Variants in NXPH2 observed in about 807,000 individuals in gnomAD.
NXPH2 encodes the protein neurexophilin-2.
In NXPH2, 5 loss-of-function variants were observed where a neutral mutation model predicts 19.8. The ratio of observed to expected loss-of-function variants is 0.25; its 90% CI spans 0.13 to 0.53. NXPH2 has a LOEUF of 0.53. Ranked by LOEUF, NXPH2 falls within the 20% of genes least tolerant of loss-of-function variation. The pLI is 0.96. For synonymous variants in NXPH2, 154 were observed against 127.4 expected, an observed-to-expected ratio of 1.21 and a Z score of -1.41; for missense variants, 289 against 322.8, an observed-to-expected ratio of 0.90 and a Z score of 0.80.
intron 1 of NXPH2, among the ~76,000 whole-genome samples, chr2:138,777,690 C>T (rs1682286936): frequency 6.6e-6 from 1 of 151,486 alleles, no homozygotes; most frequent in African/African-American, 2.4e-5. Context: ...ACTAAATGTT[C>T]AATATGCCCA....
At chr2:138,695,845 T>C (rs890883914) in intron 1 of NXPH2, among the ~76,000 whole-genome samples, 2 of 152,068 alleles carry the variant, frequency 1.3e-5, no homozygotes, top group African/African-American at 4.8e-5. Context: ...AGCAGATAAG[T>C]ATCCATTTAA....
intron 1 of NXPH2, among the ~76,000 whole-genome samples, chr2:138,702,156 TC>T (rs1403986934): frequency 6.6e-6 from 1 of 152,060 alleles, no homozygotes; most frequent in African/African-American, 2.4e-5. Flanking sequence ...TCTCTCTGTC[TC>T]CCAGGCTGGA....
At chr2:138,732,184 T>C (rs1312137714) in intron 1 of NXPH2, among the ~76,000 whole-genome samples, 2 of 152,198 alleles carry the variant, frequency 1.3e-5, no homozygotes, top group Non-Finnish European at 2.9e-5. Context: ...AGTTTGGTGA[T>C]CTCATACACA....
chr2:138,724,136 A>T (rs1445958044), intron 1 of NXPH2, among the ~76,000 whole-genome samples: 2 of 151,742 alleles, frequency 1.3e-5, no homozygotes, highest in African/African-American at 4.8e-5. Context: ...GTTCCCCTCT[A>T]TGTGTCCATG....
rs111982503 is a variant in NXPH2, at chr2:138,698,957, G to C, written c.52-27292C>G. 3.5e-3 allele frequency among the ~76,000 whole-genome samples: 537 copies of C among 152,258 alleles called. 3 individuals carry two copies. The highest frequency in any genetic ancestry group is 8.8e-3 in the African/African-American group (365 of 41,544). On this transcript the variant is annotated intron_variant, in intron 1 of 1. Transcript: ENST00000272641. ...GACTCAAAGTACTTTGATGCCCGGA[G>C]AGTAAATAATTAGGCATTTAACAAA... is the stretch of plus-strand genomic sequence containing the variant.
intron 1 of NXPH2, among the ~76,000 whole-genome samples, chr2:138,770,217 A>G (rs537058157): frequency 1.3e-5 from 2 of 152,288 alleles, no homozygotes; most frequent in East Asian, 3.9e-4. Flanking sequence ...TCCAGAAGTG[A>G]GGGGGAAAAC....
intron 1 of NXPH2, among the ~76,000 whole-genome samples, chr2:138,777,660 A>C (rs939294097): frequency 6.6e-6 from 1 of 151,854 alleles, no homozygotes; most frequent in African/African-American, 2.4e-5. Flanking sequence ...TTTCAGAAAC[A>C]AACAGGTAAT....
At chr2:138,721,479 A>G (rs1000014753) in intron 1 of NXPH2, among the ~76,000 whole-genome samples, 1 of 152,002 alleles carries the variant, frequency 6.6e-6, no homozygotes, top group Non-Finnish European at 1.5e-5. Context: ...TTTTTTTTTA[A>G]TGGAGCAAAA....
rs560766775 is a variant in NXPH2, at chr2:138,716,580, T to C, written c.52-44915A>G. Among the ~76,000 whole-genome samples the C allele has an allele frequency of 3.9e-5, 6 of 152,256 alleles. No homozygotes were observed. The South Asian group carries it at 1.0e-3, about 26-fold the overall frequency. ...ACATCTGTTGTTTAAGCCCGTCAGT[T>C]TGTGGTATTGTTGTTACAGCAGCCT... On this transcript the variant is annotated intron_variant, in intron 1 of 1. Transcript: ENST00000272641.
chr2:138,689,312 AT>A (rs1680709735), intron 1 of NXPH2, among the ~76,000 whole-genome samples: 1 of 152,142 alleles, frequency 6.6e-6, no homozygotes, highest in Admixed American at 6.5e-5. Flanking sequence ...CTCAAATATA[AT>A]CTCAGACTCC....
At chr2:138,777,250 AT>A (rs1332932048) in intron 1 of NXPH2, among the ~76,000 whole-genome samples, 2 of 152,022 alleles carry the variant, frequency 1.3e-5, no homozygotes, top group Non-Finnish European at 2.9e-5. Context: ...TCAAATGCTA[AT>A]TTTTTTCTTC....
intron 1 of NXPH2, among the ~76,000 whole-genome samples, chr2:138,718,610 G>T (rs561547599): frequency 3.3e-4 from 50 of 152,256 alleles, no homozygotes; most frequent in Admixed American, 3.3e-3. Context: ...AGCTGAATAT[G>T]ACTTGAAAAG....
intron 1 of NXPH2, among the ~76,000 whole-genome samples, chr2:138,760,098 GA>G (rs1681986963): frequency 6.6e-6 from 1 of 152,006 alleles, no homozygotes; most frequent in Non-Finnish European, 1.5e-5. Context: ...CCTACTTCTA[GA>G]AATTTTATTT....
At chr2:138,713,912 G>A (rs1368084118) in intron 1 of NXPH2, among the ~76,000 whole-genome samples, 1 of 151,318 alleles carries the variant, frequency 6.6e-6, no homozygotes, top group African/African-American at 2.4e-5. Context: ...AGTTCCTATT[G>A]GCACATTCCT....
chr2:138,697,949 C>A (rs753749985), intron 1 of NXPH2, among the ~76,000 whole-genome samples: 22 of 152,070 alleles, frequency 1.4e-4, no homozygotes, highest in Non-Finnish European at 2.6e-4. Flanking sequence ...AAGCCTATTT[C>A]ACTTTGTTAT....
chr2:138,739,208 A>G (rs1050998005), intron 1 of NXPH2, among the ~76,000 whole-genome samples: 3 of 152,226 alleles, frequency 2.0e-5, no homozygotes, highest in Non-Finnish European at 4.4e-5. Flanking sequence ...TGTGCTTTTC[A>G]TTCAACCAAG....
intron 1 of NXPH2, among the ~76,000 whole-genome samples, chr2:138,686,751 T>G (rs1680661759): frequency 6.6e-6 from 1 of 152,138 alleles, no homozygotes; most frequent in Admixed American, 6.6e-5. Flanking sequence ...CCTTCCTGTG[T>G]CCGTGTGTTC....
chr2:138,721,766 C>A (rs1410970016), intron 1 of NXPH2, among the ~76,000 whole-genome samples: 1 of 152,194 alleles, frequency 6.6e-6, no homozygotes, highest in East Asian at 1.9e-4. Context: ...TCTCTCTCGG[C>A]AAACCTAAAA....
intron 1 of NXPH2, among the ~76,000 whole-genome samples, chr2:138,764,834 G>T (rs561677378): frequency 6.6e-6 from 1 of 152,308 alleles, no homozygotes; most frequent in African/African-American, 2.4e-5. Context: ...TTATCAGGAA[G>T]AAATAATTTG....
Sources: gnomAD v4.1 joint callset for allele counts (sites outside exome capture counted in the v4.1 genomes callset) on GRCh38, gnomAD v4.1.1 for gene constraint, MANE v1.5 for transcripts, NCBI Gene and HGNC (gene_info 2026-07-23, HGNC 2026-07-21) for gene names.